CCDC102B: variants seen among roughly 807,000 people sequenced by gnomAD.
The protein encoded by CCDC102B is coiled-coil domain-containing protein 102B.
A neutral mutation model predicts 57.4 loss-of-function variants in CCDC102B; 75 were observed. The observed-to-expected ratio is 1.31, with a 90% CI of 1.08 to 1.58. The LOEUF (loss-of-function observed/expected upper bound fraction) is 1.58. Ranked by LOEUF, CCDC102B falls within the 40% of genes most tolerant of loss-of-function variation. The probability of loss-of-function intolerance (pLI) is 0.00; values close to 1 mark genes in which losing one functional copy is unlikely to be tolerated. For missense variants in CCDC102B, 636 were observed against 582.6 expected, an observed-to-expected ratio of 1.09 and a Z score of -0.94; for synonymous variants, 206 against 201.9, an observed-to-expected ratio of 1.02 and a Z score of -0.17.
chr18:68,905,626 T>A (rs2040602744), intron 6 of CCDC102B, among the ~76,000 whole-genome samples: 1 of 151,840 alleles, frequency 6.6e-6, no homozygotes, highest in South Asian at 2.1e-4. Flanking sequence ...AGCACTTTCA[T>A]CACCCTATAA....
At chr18:68,983,117 G>A (rs1281889699) in intron 6 of CCDC102B, among the ~76,000 whole-genome samples, 1 of 150,964 alleles carries the variant, frequency 6.6e-6, no homozygotes, top group Non-Finnish European at 1.5e-5. Context: ...ATAATTGGAA[G>A]TATACATTAA....
chr18:68,818,087 C>T (rs2036556445), intron 1 of CCDC102B, among the ~76,000 whole-genome samples: 1 of 152,122 alleles, frequency 6.6e-6, no homozygotes, highest in Non-Finnish European at 1.5e-5. Context: ...TATTTTACAA[C>T]AACGTATTGA....
At chr18:68,849,048 A>G (rs192944413) in intron 4 of CCDC102B, among the ~76,000 whole-genome samples, 142 of 152,226 alleles carry the variant, frequency 9.3e-4, no homozygotes, top group African/African-American at 3.3e-3. Context: ...AATTTATAAT[A>G]TTATTTCATA....
intron 6 of CCDC102B, among the ~76,000 whole-genome samples, chr18:68,964,532 C>T (rs1435353011): frequency 6.6e-6 from 1 of 151,570 alleles, no homozygotes; most frequent in Non-Finnish European, 1.5e-5. Flanking sequence ...GAAAGATTTC[C>T]AGCTATATTA....
At chr18:68,960,125 C>G (rs1211656066) in intron 6 of CCDC102B, among the ~76,000 whole-genome samples, 1 of 152,194 alleles carries the variant, frequency 6.6e-6, no homozygotes, top group Non-Finnish European at 1.5e-5. Flanking sequence ...CAGTAGAGCT[C>G]AGAGTCTTAC....
At chr18:68,861,665 C>A in intron 4 of CCDC102B, among the ~76,000 whole-genome samples, 1 of 152,060 alleles carries the variant, frequency 6.6e-6, no homozygotes, top group Non-Finnish European at 1.5e-5. Flanking sequence ...TGTGTGAATC[C>A]TAGAGGTTGT....
At chr18:69,030,781 C>T (rs1166497534) in intron 7 of CCDC102B, among the ~76,000 whole-genome samples, 3 of 152,090 alleles carry the variant, frequency 2.0e-5, no homozygotes, top group East Asian at 1.9e-4. Flanking sequence ...CAGCCTCCTG[C>T]GTAGCTGGGA....
At chr18:68,772,354 TAAAAC>T (rs1273004661) in intron 2 of CCDC102B, among the ~76,000 whole-genome samples, 1 of 152,114 alleles carries the variant, frequency 6.6e-6, no homozygotes, top group African/African-American at 2.4e-5. Context: ...ACCAAATAAT[TAAAAC>T]AAAATCATAC....
intron 1 of CCDC102B, among the ~76,000 whole-genome samples, chr18:68,828,322 C>CAAAAAAAAAAAAAAAA (rs58180806): frequency 1.2e-5 from 1 of 80,806 alleles, no homozygotes; most frequent in Non-Finnish European, 2.3e-5. Context: ...ACCCTATTTA[C>CAAAAAAAAAAAAAAAA]AAAAAAAAAA....
chr18:68,724,284 A>C (rs1260048974), intron 2 of CCDC102B, among the ~76,000 whole-genome samples: 2 of 152,196 alleles, frequency 1.3e-5, no homozygotes, highest in Admixed American at 1.3e-4. Flanking sequence ...AAGGTTTCTG[A>C]CATGCCCCGA....
chr18:69,005,241 T>C (rs1164741164), intron 6 of CCDC102B, among the ~76,000 whole-genome samples: 1 of 152,184 alleles, frequency 6.6e-6, no homozygotes, highest in Non-Finnish European at 1.5e-5. Flanking sequence ...GCATTATTAC[T>C]TGCAGTTGGT....
intron 6 of CCDC102B, among the ~76,000 whole-genome samples, chr18:68,985,591 A>G (rs765025132): frequency 2.3e-4 from 35 of 152,186 alleles, no homozygotes; most frequent in Non-Finnish European, 4.1e-4. Flanking sequence ...CAGACCCTGT[A>G]GCAGGAGCTG....
At chr18:68,810,650 G>A (rs887028261) in intron 1 of CCDC102B, among the ~76,000 whole-genome samples, 7 of 142,816 alleles carry the variant, frequency 4.9e-5, no homozygotes, top group Admixed American at 3.5e-4. Flanking sequence ...TTAGAGAGAC[G>A]GTTTTGAAAA....
At position 69,040,990 on chromosome 18, in the gene CCDC102B, A is replaced by G. The variant is rs945728730; in HGVS notation, c.1435-13040A>G. 7.2e-5 allele frequency among the ~76,000 whole-genome samples: 11 copies of G among 152,072 alleles called. No homozygotes were observed. The East Asian group carries it at 1.7e-3, about 24-fold the overall frequency. ...AGCAAATGCCTGGAAAGTTCCTGCC[A>G]TTACTGTTGCTGTCAGAAAAAGGAG... On this transcript the variant is annotated intron_variant, in intron 7 of 7. Transcript: ENST00000360242.
At chr18:68,844,817 G>A (rs1369935734) in intron 3 of CCDC102B, among the ~76,000 whole-genome samples, 1 of 151,844 alleles carries the variant, frequency 6.6e-6, no homozygotes, top group Non-Finnish European at 1.5e-5. Context: ...CAACTTGGGT[G>A]TCCTCAGCTG....
At chr18:68,727,779 C>A (rs1429931097) in intron 2 of CCDC102B, among the ~76,000 whole-genome samples, 2 of 152,206 alleles carry the variant, frequency 1.3e-5, no homozygotes, top group African/African-American at 2.4e-5. Context: ...GGAGAATAGA[C>A]CAGATTGGCA....
chr18:68,932,170 T>A (rs1462722883), intron 6 of CCDC102B, among the ~76,000 whole-genome samples: 1 of 151,868 alleles, frequency 6.6e-6, no homozygotes, highest in Non-Finnish European at 1.5e-5. Flanking sequence ...TTATTTCTTT[T>A]TAAGTCCTGA....
chr18:68,825,856 T>C (rs1316416023), intron 1 of CCDC102B, among the ~76,000 whole-genome samples: 2 of 152,152 alleles, frequency 1.3e-5, no homozygotes, highest in Non-Finnish European at 2.9e-5. Context: ...TACTTACAGG[T>C]AGTCATGTGC....
Position 68,814,937 on chromosome 18 carries a change from CTGCTAAAG to C in CCDC102B, c.-16+16758_-16+16765del, listed in dbSNP as rs199795197. On this transcript the variant is annotated intron_variant, in intron 1 of 7. Coordinates refer to ENST00000360242, the MANE Select transcript of CCDC102B (RefSeq NM_024781.3). ...CTTCTTCTGATACACACCTATATCA[CTGCTAAAG>C]TTTTTGATCCACTAGTATTTGCCAG... Among the ~76,000 whole-genome samples the C allele has an allele frequency of 9.5e-3, 1,449 of 152,176 alleles. 16 individuals carry two copies. Among genetic ancestry groups the C allele is most frequent in the East Asian group, 0.053 (277 of 5,190 alleles).
Sources: gnomAD v4.1 joint callset for allele counts (sites outside exome capture counted in the v4.1 genomes callset) on GRCh38, gnomAD v4.1.1 for gene constraint, MANE v1.5 for transcripts, NCBI Gene and HGNC (gene_info 2026-07-23, HGNC 2026-07-21) for gene names.